PCDH18: variants seen among roughly 807,000 people sequenced by gnomAD.
PCDH18 encodes the protein protocadherin 18.
PCDH18 carries 38 observed loss-of-function variants against 71.5 expected under a neutral mutation model. The ratio of observed to expected loss-of-function variants is 0.53; its 90% CI spans 0.41 to 0.70. The LOEUF is 0.70. Among genes scored for constraint, PCDH18 ranks in the 30% least tolerant of loss-of-function variants. The probability of loss-of-function intolerance (pLI) is 0.00; values close to 1 mark genes in which losing one functional copy is unlikely to be tolerated. For synonymous variants in PCDH18, 565 were observed against 505.4 expected (o/e 1.12, Z -1.58); for missense variants, 1,334 against 1,384.6 (o/e 0.96, Z 0.58).
rs1351063384 is a variant in PCDH18, at chr4:137,531,194, T to C, written c.895A>G (p.Ile299Val). 1 of 1,612,232 alleles carries C rather than the reference T, an allele frequency of 6.2e-7. No homozygotes were observed. The highest frequency in any genetic ancestry group is 8.5e-7 in the Non-Finnish European group (1 of 1,179,054). ...GTCAAATGTCCTCTTTCAGAATCAA[T>C]TTTAAAAGTCTCCATAATTTTGGGA... ...VSPKIMETFK[I>V]DSERGHLTLF... The change falls in exon 1 of 4, where the codon ATT becomes GTT. Residue 299 changes from isoleucine to valine, a missense_variant. This residue lies in a region of PCDH18 where 1,011 missense variants were observed against 1,048.0 expected (regional missense o/e 0.96). Transcript: ENST00000344876.
In PCDH18 at chr4:137,530,219, T is replaced by C; in HGVS notation, c.1870A>G (p.Asn624Asp). The stretch of plus-strand genomic sequence containing the variant: ...TCAATTATGAAGATATTCTCCTCAT[T>C]ACCTGCTACTATGGCGCAGCTGAGT... ...AELSCAIVAGNEENIFIIDPR... is the reference protein window; with the variant it reads ...AELSCAIVAGDEENIFIIDPR... Residue 624 changes from asparagine (N) to aspartate (D), a missense_variant, in exon 1 of 4, where the codon AAT becomes GAT. This residue lies in a region of PCDH18 where 1,011 missense variants were observed against 1,048.0 expected (regional missense o/e 0.96). Coordinates refer to ENST00000344876, the MANE Select transcript of PCDH18 (RefSeq NM_019035.5). The C allele has an allele frequency of 6.2e-7, 1 of 1,614,066 alleles. No homozygotes were observed. The highest frequency in any genetic ancestry group is 8.5e-7 in the Non-Finnish European group (1 of 1,179,990).
In PCDH18 at chr4:137,521,236, G is replaced by A; in HGVS notation, c.3201C>T (p.Thr1067=). 1 of 1,613,848 alleles carries A rather than the reference G, an allele frequency of 6.2e-7. No homozygotes were observed. The highest frequency in any genetic ancestry group is 8.5e-7 in the Non-Finnish European group (1 of 1,179,764). ...AASTHFQNPT[T]NCGPPLGTHS... Reference sequence around the variant, plus strand: ...GAGTTCCAAGTGGCGGCCCACAGTTGGTGGTGGGATTTTGAAAATGCGTAC... The same window carrying A: ...GAGTTCCAAGTGGCGGCCCACAGTTAGTGGTGGGATTTTGAAAATGCGTAC... The change falls in exon 4 of 4, where the codon ACC becomes ACT. Residue 1067 remains threonine (T), a synonymous_variant. Transcript: ENST00000344876.
chr4:137,530,441 C>T lies in PCDH18; in HGVS notation c.1648G>A (p.Gly550Arg). The change falls in exon 1 of 4, where the codon GGA (glycine) becomes AGA (arginine). Residue 550 changes from glycine (G) to arginine (R), a missense_variant. Physicochemically the swap from Gly to Arg is moderately radical, Grantham distance 125. This residue lies in a region of PCDH18 where 1,011 missense variants were observed against 1,048.0 expected (regional missense o/e 0.96). Coordinates refer to ENST00000344876, the MANE Select transcript of PCDH18 (RefSeq NM_019035.5). ...QITFVVEARD[G>R]GSPKQLVSNT... The stretch of plus-strand genomic sequence containing the variant: ...CTTACCAGTTGCTTCGGGCTTCCTC[C>T]ATCTCTTGCTTCTACCACAAAAGTG... 1 of 1,614,116 alleles carries T rather than the reference C, an allele frequency of 6.2e-7. No homozygotes were observed. The highest frequency in any genetic ancestry group is 8.5e-7 in the Non-Finnish European group (1 of 1,179,964).
chr4:137,522,203 T>G (rs1239827789), intron 3 of PCDH18, among the ~76,000 whole-genome samples: 2 of 152,178 alleles, frequency 1.3e-5, no homozygotes, highest in Non-Finnish European at 2.9e-5. Flanking sequence ...CTTAAAGATA[T>G]TACAAATTAT....
chr4:137,521,088 C>A lies in PCDH18; in HGVS notation c.3349G>T (p.Asp1117Tyr). ...ATCTCTGCCACCAGTTCACTGGCAT[C>A]CATGAGTTCGTGTTTCCCATCATTG... ...HLNDGKHELM[D>Y]ASELVAEINK... Residue 1117 changes from aspartate to tyrosine, a missense_variant, in exon 4 of 4, where the codon GAT becomes TAT. Physicochemically the swap from Asp to Tyr is radical, Grantham distance 160. Coordinates refer to ENST00000344876, the MANE Select transcript of PCDH18 (RefSeq NM_019035.5). 6.2e-7 allele frequency: 1 copy of A among 1,613,546 alleles called. No homozygotes were observed. Among genetic ancestry groups the A allele is most frequent in the Non-Finnish European group, 8.5e-7 (1 of 1,179,538 alleles).
chr4:137,531,460 G>T lies in PCDH18; in HGVS notation c.629C>A (p.Ser210Ter). 2 of 1,613,854 alleles carry T rather than the reference G, an allele frequency of 1.2e-6. No individual in the cohort carries two copies. Among genetic ancestry groups the T allele is most frequent in the South Asian group, 1.1e-5 (1 of 91,048 alleles). ...GGCAGTGAGCTGAAGCTCGTAGCTT[G>T]ACTTCAGCTCCCGATCTAACTCTCT... ...VVRELDRELK[S>*]SYELQLTASD... is the part of the protein sequence containing the mutation. The change falls in exon 1 of 4, where the codon TCA (serine) becomes TAA (stop). Residue 210 changes from serine to a stop codon, truncating the protein, a stop_gained. Coordinates refer to ENST00000344876, the MANE Select transcript of PCDH18 (RefSeq NM_019035.5). LOFTEE classifies it high-confidence loss of function.
chr4:137,521,728 A>G (rs889570239), intron 3 of PCDH18, 32 bp from the exon 4 acceptor site: 5 of 1,515,808 alleles, frequency 3.3e-6, no homozygotes, highest in Middle Eastern at 3.9e-4. Flanking sequence ...GGGATTCATT[A>G]TTATACTTAG....
At position 137,524,621 on chromosome 4, in the gene PCDH18, T is replaced by C. The variant is rs148443503; in HGVS notation, c.2741-2925A>G. ...AGCTTTTCAGGTAGGAAGGACACCA[T>C]GAGCAAAGCATCAGTGTATTAAGTG... On this transcript the variant is annotated intron_variant, in intron 3 of 3. Transcript: ENST00000344876. 3.6e-3 allele frequency among the ~76,000 whole-genome samples: 547 copies of C among 152,224 alleles called. 5 individuals are homozygous for C. The highest frequency in any genetic ancestry group is 0.012 in the African/African-American group (507 of 41,534).
At chr4:137,527,977 AT>A (rs1731528457) in intron 3 of PCDH18, among the ~76,000 whole-genome samples, 1 of 152,126 alleles carries the variant, frequency 6.6e-6, no homozygotes, top group Non-Finnish European at 1.5e-5. Context: ...TCCTTCTCCT[AT>A]TTTTAATGCT....
chr4:137,532,150 T>C lies in PCDH18; in HGVS notation c.-62A>G. 1 of 1,281,054 alleles carries C rather than the reference T, an allele frequency of 7.8e-7. No individual in the cohort carries two copies. Among genetic ancestry groups the C allele is most frequent in the Non-Finnish European group, 1.1e-6 (1 of 877,560 alleles). 79.4% of individuals were successfully genotyped at this position (1,281,054 alleles called of 1,614,324 possible). A position where few individuals can be genotyped will look rare whatever the true frequency, so the allele number is the denominator to read the frequency against. ...AAAACAGCAAAGCAATTGCCTCAAC[T>C]TCCTTTGGCAACGTAAAGCTACATT... On this transcript the variant is annotated 5_prime_UTR_variant, in exon 1 of 4. Transcript: ENST00000344876.
rs777395460 is a variant in PCDH18, at chr4:137,530,108, T to C, written c.1981A>G (p.Lys661Glu). The part of the protein sequence containing the change: ...EWELSVIIQD[K>E]GNPQLHTKVL... ...TTGGTATGTAGCTGAGGATTGCCTT[T>C]GTCCTGAATGATAACTGACAGCTCC... The change falls in exon 1 of 4, where the codon AAA becomes GAA. Residue 661 changes from lysine to glutamate, a missense_variant. Coordinates refer to ENST00000344876, the MANE Select transcript of PCDH18 (RefSeq NM_019035.5). 2 of 1,613,622 alleles carry C rather than the reference T, an allele frequency of 1.2e-6. No homozygotes were observed. The highest frequency in any genetic ancestry group is 1.3e-5 in the African/African-American group (1 of 75,048).
rs1211150980 is a variant in PCDH18, at chr4:137,519,023, G to T, written c.*2006C>A. On this transcript the variant is annotated 3_prime_UTR_variant, in exon 4 of 4. Transcript: ENST00000344876. Reference sequence around the variant, plus strand: ...CTGCTGGTGCTTTAAATTAAGAACAGTGAGGATATAAAAGTCTTTTTCTTA... The same window carrying T: ...CTGCTGGTGCTTTAAATTAAGAACATTGAGGATATAAAAGTCTTTTTCTTA... 6.6e-6 allele frequency: 1 copy of T among 152,178 alleles called. No homozygotes were observed. 9.4% of individuals were successfully genotyped at this position (152,178 alleles called of 1,614,324 possible).
rs1731666488 is a variant in PCDH18, at chr4:137,530,945, C to T, written c.1144G>A (p.Val382Ile). 1.2e-6 allele frequency: 2 copies of T among 1,613,770 alleles called. No homozygotes were observed. The highest frequency in any genetic ancestry group is 1.7e-6 in the Non-Finnish European group (2 of 1,179,830). Residue 382 changes from valine to isoleucine, a missense_variant, in exon 1 of 4, where the codon GTC becomes ATC. This residue lies in a region of PCDH18 where 1,011 missense variants were observed against 1,048.0 expected (regional missense o/e 0.96). Transcript: ENST00000344876. ...CCAGAATCCTTGTCCTGAACTCTGACCAAAGCAACAAATGTATCAATAGGA... is the reference window on the plus strand; with the variant it reads ...CCAGAATCCTTGTCCTGAACTCTGATCAAAGCAACAAATGTATCAATAGGA... ...GDPIDTFVALVRVQDKDSGLN... is the reference protein window; with the variant it reads ...GDPIDTFVALIRVQDKDSGLN...
rs941826868 is a variant in PCDH18 at position 137,518,971 on chromosome 4, C to T, written c.*2058G>A. ...ATTTATTTCACATTATTCAAAATAG[C>T]GGTTTTCAGCATAGCTTCCCATATT... is the stretch of plus-strand genomic sequence containing the variant. On this transcript the variant is annotated 3_prime_UTR_variant, in exon 4 of 4. Transcript: ENST00000344876. The T allele has an allele frequency of 2.0e-5, 3 of 152,054 alleles. No homozygotes were observed. The highest frequency in any genetic ancestry group is 2.1e-4 in the South Asian group (1 of 4,830). 9.4% of individuals were successfully genotyped at this position (152,054 alleles called of 1,614,324 possible).
intron 3 of PCDH18, 88 bp downstream of exon 3, chr4:137,528,386 TAAAG>T (rs1293290626): frequency 3.7e-5 from 36 of 981,002 alleles, no homozygotes; most frequent in Middle Eastern, 2.2e-4. Flanking sequence ...AAGGGACAAA[TAAAG>T]AAGAAATATA....
At chr4:137,525,988 A>T (rs189929291) in intron 3 of PCDH18, among the ~76,000 whole-genome samples, 1 of 152,144 alleles carries the variant, frequency 6.6e-6, no homozygotes, top group African/African-American at 2.4e-5. Context: ...CAGTTTATCT[A>T]TGTCTACCTA....
intron 3 of PCDH18, 130 bp downstream of exon 3, chr4:137,528,348 A>T: frequency 1.4e-6 from 1 of 717,018 alleles, no homozygotes. Context: ...TGAACATACT[A>T]TAAAACATAT....
In PCDH18 at chr4:137,528,537, T is replaced by A; in HGVS notation, c.2681A>T (p.Asp894Val). The stretch of plus-strand genomic sequence containing the variant: ...GCTGAATCCTTCACCCAACAGCCTA[T>A]CTATTGGAGAATCTCGCCCCAAATC... ...DYDLGRDSPI[D>V]RLLGEGFSDL... The change falls in exon 3 of 4, where the codon GAT becomes GTT. Residue 894 changes from aspartate to valine, a missense_variant. Coordinates refer to ENST00000344876, the MANE Select transcript of PCDH18 (RefSeq NM_019035.5). 6.2e-7 allele frequency: 1 copy of A among 1,613,896 alleles called. No individual in the cohort carries two copies. Among genetic ancestry groups the A allele is most frequent in the Non-Finnish European group, 8.5e-7 (1 of 1,179,836 alleles).
At position 137,521,397 on chromosome 4, in the gene PCDH18, G is replaced by A; in HGVS notation, c.3040C>T (p.Arg1014Cys). Residue 1014 changes from arginine to cysteine, a missense_variant, in exon 4 of 4, where the codon CGT (arginine) becomes TGT (cysteine). Coordinates refer to ENST00000344876, the MANE Select transcript of PCDH18 (RefSeq NM_019035.5). ...GTGTCCAGGGAAGGCGGTAAGAGAC[G>A]CTGGAACACACTGCTCATTTCCGAG... ...LLSEMSSVFQ[R>C]LLPPSLDTYS... 1.2e-6 allele frequency: 2 copies of A among 1,614,150 alleles called. No individual in the cohort carries two copies. The highest frequency in any genetic ancestry group is 1.7e-6 in the Non-Finnish European group (2 of 1,180,014).
Sources: gnomAD v4.1 joint callset for allele counts (sites outside exome capture counted in the v4.1 genomes callset) on GRCh38, gnomAD v4.1.1 for gene constraint, gnomAD v4.1.1 regional missense constraint, MANE v1.5 for transcripts, NCBI Gene and HGNC (gene_info 2026-07-23, HGNC 2026-07-21) for gene names.